The following CACNA1B variants were observed in gnomAD, a reference collection of about 807,000 sequenced individuals.
CACNA1B encodes calcium voltage-gated channel subunit alpha1 B.
CACNA1B carries 70 observed loss-of-function variants against 247.2 expected under a neutral mutation model. The ratio of observed to expected loss-of-function variants is 0.28; its 90% CI spans 0.23 to 0.35. CACNA1B has a LOEUF of 0.35. Among genes scored for constraint, CACNA1B ranks in the 10% least tolerant of loss-of-function variants. The pLI, the probability that CACNA1B is intolerant of heterozygous loss-of-function variation, is 1.00. For synonymous variants in CACNA1B, 1,231 were observed against 1,294.4 expected (o/e 0.95, Z 1.05); for missense variants, 2,367 against 3,197.4 (o/e 0.74, Z 6.26).
chr9:137,895,053 G>GT (rs1288731464), intron 3 of CACNA1B, among the ~76,000 whole-genome samples: 1 of 152,098 alleles, frequency 6.6e-6, no homozygotes, highest in Non-Finnish European at 1.5e-5. Flanking sequence ...AGTTTGTTTT[G>GT]TTTTTTGCCT....
Position 138,057,948 on chromosome 9 carries a change from C to T in CACNA1B, c.4106+79C>T. On this transcript the variant is annotated intron_variant, in intron 27 of 46. Coordinates refer to ENST00000371372, the MANE Select transcript of CACNA1B (RefSeq NM_000718.4). The surrounding 1 kb of genome is among the most constrained non-coding windows in gnomAD (Gnocchi z 4.0). Reference sequence around the variant, plus strand: ...CTCCCTTCCTCCCTCTATCCCTGGGCTCAGGCATGGAAGCAGACCCACCCT... The same window carrying T: ...CTCCCTTCCTCCCTCTATCCCTGGGTTCAGGCATGGAAGCAGACCCACCCT... The T allele has an allele frequency of 2.5e-6, 4 of 1,570,086 alleles. No individual in the cohort carries two copies. In the East Asian group the frequency reaches 6.8e-5, roughly 27 times the overall value.
chr9:137,900,196 C>T (rs1281635511), intron 3 of CACNA1B, among the ~76,000 whole-genome samples: 3 of 152,022 alleles, frequency 2.0e-5, no homozygotes, highest in South Asian at 2.1e-4. Flanking sequence ...CTGGCCCACG[C>T]GGAGGGTGTG....
At chr9:138,105,378 C>T (rs1326984390) in intron 38 of CACNA1B, among the ~76,000 whole-genome samples, 3 of 152,212 alleles carry the variant, frequency 2.0e-5, no homozygotes, top group Admixed American at 2.0e-4. Context: ...GGCTACACTC[C>T]TACATTCAGC....
intron 6 of CACNA1B, among the ~76,000 whole-genome samples, chr9:137,937,683 C>G (rs1957683823): frequency 6.6e-6 from 1 of 152,054 alleles, no homozygotes; most frequent in South Asian, 2.1e-4. Context: ...CTGTGGCTCA[C>G]ACCTGTAATC....
intron 20 of CACNA1B, among the ~76,000 whole-genome samples, chr9:138,034,058 C>G (rs1173114185): frequency 5.3e-5 from 8 of 152,146 alleles, no homozygotes; most frequent in African/African-American, 1.2e-4. Flanking sequence ...TAGCTCCCCA[C>G]TAGGCTTCCA....
chr9:137,972,385 CAG>C (rs1000629826), intron 11 of CACNA1B, among the ~76,000 whole-genome samples: 26 of 152,202 alleles, frequency 1.7e-4, no homozygotes, highest in Admixed American at 1.2e-3. Flanking sequence ...GATCTGGAGA[CAG>C]GGCCTGTTTG....
rs182822440 is a variant in CACNA1B, at chr9:138,051,512, A to T, written c.3711-580A>T. ...CTCCCCTTGTTTGTCTTAGTCCACC[A>T]TGCCTCTTGCATTGCCTCTGTATTC... On this transcript the variant is annotated intron_variant, in intron 24 of 46. Transcript: ENST00000371372. The surrounding 1 kb of genome is among the most constrained non-coding windows in gnomAD (Gnocchi z 4.3). Among the ~76,000 whole-genome samples, 42 of 108,678 alleles carry T rather than the reference A, an allele frequency of 3.9e-4. No homozygotes were observed. The East Asian group carries it at 0.01, about 27-fold the overall frequency. 71.3% of individuals were successfully genotyped at this position (108,678 alleles called of 152,430 possible).
chr9:137,987,442 G>T (rs1435228748), intron 15 of CACNA1B, among the ~76,000 whole-genome samples: 1 of 152,142 alleles, frequency 6.6e-6, no homozygotes, highest in East Asian at 1.9e-4. Flanking sequence ...CCACAGTCCT[G>T]CCCATGACTG....
At chr9:137,989,211 C>T (rs568207891) in intron 15 of CACNA1B, among the ~76,000 whole-genome samples, 2 of 152,284 alleles carry the variant, frequency 1.3e-5, no homozygotes, top group South Asian at 4.1e-4. Context: ...TGAAAAAAGG[C>T]ACCTAAGAAC....
chr9:137,908,433 T>C (rs976796696), intron 3 of CACNA1B, among the ~76,000 whole-genome samples: 2 of 151,656 alleles, frequency 1.3e-5, no homozygotes, highest in African/African-American at 4.8e-5. Flanking sequence ...GGAGAATCGC[T>C]TGAACCCAGG....
chr9:137,886,609 C>A (rs199554142), intron 3 of CACNA1B, among the ~76,000 whole-genome samples: 4 of 150,854 alleles, frequency 2.7e-5, no homozygotes, highest in Admixed American at 2.6e-4. Context: ...GGACAAGACA[C>A]CTCCCGGGCC....
At chr9:137,902,092 C>T (rs779450990) in intron 3 of CACNA1B, among the ~76,000 whole-genome samples, 7 of 152,208 alleles carry the variant, frequency 4.6e-5, no homozygotes, top group Non-Finnish European at 8.8e-5. Context: ...CAATATAAAT[C>T]TGTACCTTGT....
intron 23 of CACNA1B, 117 bp downstream of exon 23, chr9:138,047,575 AGGTGTGTGCGTACTG>A: frequency 1.4e-6 from 1 of 719,216 alleles, no homozygotes; most frequent in Non-Finnish European, 2.5e-6. Context: ...GACATATGGT[AGGTGTGTGCGTACTG>A]GGTGTGTGCT....
chr9:137,930,987 G>A (rs1173169763), intron 6 of CACNA1B, among the ~76,000 whole-genome samples: 1 of 151,928 alleles, frequency 6.6e-6, no homozygotes, highest in Non-Finnish European at 1.5e-5. Flanking sequence ...CTGTCACCCA[G>A]GATGGAGTTT....
intron 21 of CACNA1B, 144 bp downstream of exon 21, chr9:138,044,044 C>G (rs928013321): frequency 2.6e-6 from 3 of 1,149,768 alleles, no homozygotes; most frequent in Non-Finnish European, 3.7e-6. Flanking sequence ...CCCAGAGGCA[C>G]GTGCCCGTGT....
intron 38 of CACNA1B, among the ~76,000 whole-genome samples, chr9:138,105,127 C>T (rs963565737): frequency 1.1e-4 from 17 of 152,234 alleles, no homozygotes; most frequent in Admixed American, 1.0e-3. Flanking sequence ...TTAGTGACAT[C>T]GAGCATCTCT....
chr9:137,918,803 A>G (rs1041875489), intron 6 of CACNA1B, among the ~76,000 whole-genome samples: 18 of 152,190 alleles, frequency 1.2e-4, no homozygotes, highest in African/African-American at 4.3e-4. Context: ...GCAGATGAGG[A>G]GTTAAGGAAA....
rs564430848 is a variant in CACNA1B, at chr9:137,966,247, C to G, written c.1334-5136C>G. On this transcript the variant is annotated intron_variant, in intron 10 of 46. Transcript: ENST00000371372. ...TAAATTTTTTTTTTTTTTTTTGAGA[C>G]AGAGTCTTGCTCTGTTGCCCAGGCT... 3.5e-4 allele frequency among the ~76,000 whole-genome samples: 50 copies of G among 144,542 alleles called. 1 individual carries two copies. In the South Asian group the frequency reaches 7.8e-3, roughly 23 times the overall value. 94.8% of individuals were successfully genotyped at this position (144,542 alleles called of 152,430 possible).
chr9:137,939,926 T>C (rs1272548487), intron 6 of CACNA1B, among the ~76,000 whole-genome samples: 4 of 151,836 alleles, frequency 2.6e-5, no homozygotes, highest in African/African-American at 7.3e-5. Context: ...GCAAAGGCAG[T>C]GCTAAGAGGA....
Sources: allele counts gnomAD v4.1 joint callset (sites outside exome capture counted in the v4.1 genomes callset), GRCh38; gene constraint gnomAD v4.1.1; non-coding constraint Gnocchi (gnomAD v3.1); transcripts MANE v1.5; gene names NCBI Gene and HGNC (gene_info 2026-07-23, HGNC 2026-07-21).